The following FUT9 variants were observed in gnomAD, a reference collection of about 807,000 sequenced individuals.
The protein encoded by FUT9 is fucosyltransferase 9.
Under a neutral mutation model 29.7 loss-of-function variants are expected in FUT9, and 15 were observed. That is an observed-to-expected ratio of 0.51 (90% confidence interval 0.34 to 0.78). FUT9 has a LOEUF of 0.78. Ranked by LOEUF, FUT9 falls within the 30% of genes least tolerant of loss-of-function variation. The pLI, the probability that FUT9 is intolerant of heterozygous loss-of-function variation, is 0.01. For missense variants in FUT9, 319 were observed against 425.4 expected, an observed-to-expected ratio of 0.75 and a Z score of 2.20; for synonymous variants, 169 against 153.7, an observed-to-expected ratio of 1.10 and a Z score of -0.74.
At chr6:96,060,244 A>C (rs1770848897) in intron 1 of FUT9, among the ~76,000 whole-genome samples, 1 of 152,176 alleles carries the variant, frequency 6.6e-6, no homozygotes, top group Admixed American at 6.5e-5. Flanking sequence ...CTTTAATTCA[A>C]AAAATATCTA....
chr6:96,210,350 C>T lies in FUT9; in HGVS notation c.*6115C>T, dbSNP rs147103029. On this transcript the variant is annotated 3_prime_UTR_variant, in exon 3 of 3. Coordinates refer to ENST00000302103, the MANE Select transcript of FUT9 (RefSeq NM_006581.4). ...GGGCAGGTTATTTATAGTCTCCAGA[C>T]ACTTTTTCCAGTTGCGAGTTGCTTA... The T allele has an allele frequency of 1.2e-5, 2 of 166,898 alleles. No individual in the cohort carries two copies. The highest frequency in any genetic ancestry group is 4.8e-5 in the African/African-American group (2 of 41,420). 10.3% of individuals were successfully genotyped at this position (166,898 alleles called of 1,614,324 possible).
At chr6:96,040,235 C>G (rs1490829506) in intron 1 of FUT9, among the ~76,000 whole-genome samples, 1 of 152,102 alleles carries the variant, frequency 6.6e-6, no homozygotes, top group Admixed American at 6.6e-5. Flanking sequence ...AGTTGAGAAC[C>G]ATTTAGAAGA....
At chr6:96,130,255 T>TTTCTC (rs1303685399) in intron 2 of FUT9, among the ~76,000 whole-genome samples, 1 of 152,152 alleles carries the variant, frequency 6.6e-6, no homozygotes, top group African/African-American at 2.4e-5. Flanking sequence ...AAAATTTGAC[T>TTTCTC]TTCTCTGCTA....
intron 2 of FUT9, among the ~76,000 whole-genome samples, chr6:96,200,204 T>C (rs553082461): frequency 2.6e-5 from 4 of 152,278 alleles, no homozygotes; most frequent in African/African-American, 9.6e-5. Flanking sequence ...CACTAATAAG[T>C]GCCATATATA....
chr6:96,121,166 G>A (rs747460921), intron 2 of FUT9, among the ~76,000 whole-genome samples: 2 of 151,826 alleles, frequency 1.3e-5, no homozygotes, highest in Non-Finnish European at 2.9e-5. Context: ...TTGATAGTAG[G>A]GTCAAAATCA....
intron 1 of FUT9, among the ~76,000 whole-genome samples, chr6:96,097,277 C>G (rs545840256): frequency 2.6e-5 from 4 of 152,370 alleles, no homozygotes; most frequent in African/African-American, 7.2e-5. Context: ...GTGGGAATCA[C>G]AGCAGCAGCG....
intron 2 of FUT9, among the ~76,000 whole-genome samples, chr6:96,195,003 T>G (rs993980269): frequency 6.6e-6 from 1 of 152,052 alleles, no homozygotes; most frequent in African/African-American, 2.4e-5. Context: ...GACTAGTGAT[T>G]GAGTAGAGAG....
intron 1 of FUT9, among the ~76,000 whole-genome samples, chr6:96,096,421 T>G (rs1013216952): frequency 1.2e-4 from 18 of 152,134 alleles, no homozygotes; most frequent in Non-Finnish European, 2.2e-4. Context: ...ATAAGTCAGC[T>G]CATATCTCTC....
intron 1 of FUT9, among the ~76,000 whole-genome samples, chr6:96,041,238 A>G (rs1301658512): frequency 6.6e-6 from 1 of 151,932 alleles, no homozygotes; most frequent in African/African-American, 2.4e-5. Flanking sequence ...AATGCCTGAT[A>G]CACAATAAAA....
chr6:96,029,706 A>T (rs901801605), intron 1 of FUT9, among the ~76,000 whole-genome samples: 7 of 151,674 alleles, frequency 4.6e-5, no homozygotes, highest in Non-Finnish European at 1.0e-4. Flanking sequence ...TGTCAAAAGA[A>T]GTCAAGCAAT....
intron 2 of FUT9, among the ~76,000 whole-genome samples, chr6:96,141,175 T>C (rs1238382509): frequency 1.3e-5 from 2 of 152,210 alleles, no homozygotes; most frequent in South Asian, 4.1e-4. Context: ...TAATGATAAG[T>C]TTCTTCTGAA....
chr6:96,022,999 G>A (rs948512425), intron 1 of FUT9, among the ~76,000 whole-genome samples: 1 of 151,882 alleles, frequency 6.6e-6, no homozygotes, highest in African/African-American at 2.4e-5. Context: ...GTAGCTCACA[G>A]GTTAATTAGG....
chr6:96,132,106 A>G (rs1772256286), intron 2 of FUT9, among the ~76,000 whole-genome samples: 2 of 152,026 alleles, frequency 1.3e-5, no homozygotes, highest in Admixed American at 6.6e-5. Flanking sequence ...CCCATGATAC[A>G]TTGTTTTTTC....
chr6:96,173,029 G>C (rs910346721), intron 2 of FUT9, among the ~76,000 whole-genome samples: 3 of 152,100 alleles, frequency 2.0e-5, no homozygotes, highest in Non-Finnish European at 2.9e-5. Flanking sequence ...GTGTGAATTT[G>C]GGCTGGTGGA....
intron 2 of FUT9, among the ~76,000 whole-genome samples, chr6:96,165,521 TAAA>T (rs67592196): frequency 3.9e-4 from 56 of 145,392 alleles, no homozygotes; most frequent in Admixed American, 4.8e-4. Flanking sequence ...AGCCCTAGGT[TAAA>T]AAAAAAAAAA....
chr6:96,125,099 T>A (rs138028358), intron 2 of FUT9, among the ~76,000 whole-genome samples: 1 of 152,210 alleles, frequency 6.6e-6, no homozygotes, highest in Non-Finnish European at 1.5e-5. Flanking sequence ...ACCTCCTTTA[T>A]CTGTAAAATA....
chr6:96,201,536 G>T (rs4839816), intron 2 of FUT9, among the ~76,000 whole-genome samples: 5 of 151,728 alleles, frequency 3.3e-5, no homozygotes, highest in Admixed American at 3.3e-4. Flanking sequence ...TGACCGATTT[G>T]TTAATTTTCT....
intron 1 of FUT9, among the ~76,000 whole-genome samples, chr6:96,111,494 A>G (rs1771805261): frequency 6.6e-6 from 1 of 151,446 alleles, no homozygotes; most frequent in Admixed American, 6.6e-5. Context: ...CTTAAGTGTG[A>G]TTTATTCAGC....
Position 96,214,742 on chromosome 6 carries a change from A to C in FUT9, c.*10507A>C, listed in dbSNP as rs1006190590. 1.2e-5 allele frequency: 2 copies of C among 166,986 alleles called. No individual in the cohort carries two copies. The highest frequency in any genetic ancestry group is 4.8e-5 in the African/African-American group (2 of 41,444). The allele number at this position is 166,986 out of a possible 1,614,324, so 10.3% of individuals were successfully genotyped here. A position where few individuals can be genotyped will look rare whatever the true frequency, so the allele number is the denominator to read the frequency against. On this transcript the variant is annotated 3_prime_UTR_variant, in exon 3 of 3. Transcript: ENST00000302103. Reference sequence around the variant, plus strand: ...CTGGAACGTAGCTCTTAGTGACTTAAAACATGACAGTAAGCATTTACACTG... The same window carrying C: ...CTGGAACGTAGCTCTTAGTGACTTACAACATGACAGTAAGCATTTACACTG...
Sources: allele counts gnomAD v4.1 joint callset (sites outside exome capture counted in the v4.1 genomes callset), GRCh38; gene constraint gnomAD v4.1.1; transcripts MANE v1.5; gene names NCBI Gene and HGNC (gene_info 2026-07-23, HGNC 2026-07-21).